Variants in FRMD5 observed in about 807,000 individuals in gnomAD.
The protein encoded by FRMD5 is FERM domain-containing protein 5.
In FRMD5, 20 loss-of-function variants were observed where a neutral mutation model predicts 69.0. The observed-to-expected ratio is 0.29, with a 90% CI of 0.20 to 0.42. The LOEUF is 0.42. Ranked by LOEUF, FRMD5 falls within the 10% of genes least tolerant of loss-of-function variation. FRMD5 has a pLI of 1.00. For synonymous variants in FRMD5, 271 were observed against 260.1 expected, an observed-to-expected ratio of 1.04 and a Z score of -0.40; for missense variants, 595 against 708.6, an observed-to-expected ratio of 0.84 and a Z score of 1.82.
chr15:44,130,718 G>C (rs2077086863), intron 1 of FRMD5, among the ~76,000 whole-genome samples: 1 of 152,076 alleles, frequency 6.6e-6, no homozygotes, highest in Non-Finnish European at 1.5e-5. Flanking sequence ...AAAAGTAAGA[G>C]GGAGAAAGCA....
At chr15:43,989,640 C>CA (rs1733736432) in intron 1 of FRMD5, 2 of 880,578 alleles carry the variant, frequency 2.3e-6, no homozygotes, top group Non-Finnish European at 3.9e-6. Flanking sequence ...AGGTCCTGAC[C>CA]AGCCAGGCAC....
At chr15:44,087,737 T>TATCATCATC (rs61525802) in intron 1 of FRMD5, among the ~76,000 whole-genome samples, 73 of 148,294 alleles carry the variant, frequency 4.9e-4, no homozygotes, top group Non-Finnish European at 8.1e-4. Context: ...TATCAGCTGC[T>TATCATCATC]ATCATCATCA....
intron 1 of FRMD5, among the ~76,000 whole-genome samples, chr15:43,925,075 G>C (rs184447628): frequency 6.7e-6 from 1 of 149,964 alleles, no homozygotes; most frequent in Non-Finnish European, 1.5e-5. Flanking sequence ...CGCAGTCTTG[G>C]CTCACTGCAA....
At chr15:44,046,229 T>C (rs1425176880) in intron 1 of FRMD5, among the ~76,000 whole-genome samples, 1 of 152,132 alleles carries the variant, frequency 6.6e-6, no homozygotes, top group Non-Finnish European at 1.5e-5. Flanking sequence ...TGTGAACATT[T>C]TAAATTTAAC....
chr15:43,959,978 T>C (rs1163971942), intron 1 of FRMD5, among the ~76,000 whole-genome samples: 2 of 152,066 alleles, frequency 1.3e-5, no homozygotes, highest in Non-Finnish European at 2.9e-5. Context: ...AGTGCAATGG[T>C]GCGATCTCGG....
chr15:43,976,917 G>A (rs1443765633), intron 1 of FRMD5, among the ~76,000 whole-genome samples: 2 of 151,636 alleles, frequency 1.3e-5, no homozygotes, highest in Non-Finnish European at 2.9e-5. Flanking sequence ...TGCAATCTCC[G>A]CCTCCTGGGT....
At chr15:44,084,536 T>C (rs1044756939) in intron 1 of FRMD5, among the ~76,000 whole-genome samples, 36 of 152,100 alleles carry the variant, frequency 2.4e-4, no homozygotes, top group Non-Finnish European at 5.0e-4. Flanking sequence ...TATAAATCTA[T>C]CTCCTTGCAA....
chr15:43,944,561 C>T (rs2089913192), intron 1 of FRMD5, among the ~76,000 whole-genome samples: 1 of 151,636 alleles, frequency 6.6e-6, no homozygotes, highest in East Asian at 1.9e-4. Flanking sequence ...TCCTGAGTAG[C>T]TGAGATTACA....
chr15:44,155,355 C>T (rs1459342968), intron 1 of FRMD5, among the ~76,000 whole-genome samples: 1 of 151,710 alleles, frequency 6.6e-6, no homozygotes, highest in Non-Finnish European at 1.5e-5. Context: ...TTGCTTGAAC[C>T]CAGGAGGCAG....
chr15:43,939,792 C>T (rs1020763016), intron 1 of FRMD5, among the ~76,000 whole-genome samples: 9 of 152,030 alleles, frequency 5.9e-5, no homozygotes, highest in South Asian at 2.1e-4. Flanking sequence ...AACTCCTGGG[C>T]GCAAGTGATC....
At chr15:43,990,121 C>T in intron 1 of FRMD5, 3 of 635,512 alleles carry the variant, frequency 4.7e-6, no homozygotes, top group South Asian at 1.5e-5. Context: ...TCGTCACCTG[C>T]AAAGCTGGCC....
chr15:43,917,361 G>T (rs964076981), intron 4 of FRMD5, among the ~76,000 whole-genome samples: 1 of 152,018 alleles, frequency 6.6e-6, no homozygotes, highest in Non-Finnish European at 1.5e-5. Context: ...TCATGAGTGG[G>T]GCAGGCTAGT....
chr15:44,015,873 T>C (rs567461403), intron 1 of FRMD5, among the ~76,000 whole-genome samples: 1 of 152,246 alleles, frequency 6.6e-6, no homozygotes, highest in Non-Finnish European at 1.5e-5. Flanking sequence ...TGCAGAATTA[T>C]TATTTTAAGT....
chr15:44,093,970 G>A (rs907704059), intron 1 of FRMD5, among the ~76,000 whole-genome samples: 1 of 152,000 alleles, frequency 6.6e-6, no homozygotes, highest in Non-Finnish European at 1.5e-5. Flanking sequence ...TTTTTGGGGT[G>A]AATGAATCAG....
Position 44,071,394 on chromosome 15 carries a change from T to C in FRMD5, c.102+123559A>G, listed in dbSNP as rs138280457. Among the ~76,000 whole-genome samples the C allele has an allele frequency of 6.6e-3, 997 of 152,172 alleles. 18 individuals are homozygous for C. Among genetic ancestry groups the C allele is most frequent in the African/African-American group, 0.023 (956 of 41,506 alleles). On this transcript the variant is annotated intron_variant, in intron 1 of 13. Coordinates refer to ENST00000417257, the MANE Select transcript of FRMD5 (RefSeq NM_032892.5). ...GTGAGCCATGATGGTGCCACTGCAC[T>C]CCAGCCTGGGTGACAAAGCAAGACC...
intron 10 of FRMD5, among the ~76,000 whole-genome samples, chr15:43,887,773 C>T (rs968878965): frequency 3.9e-5 from 6 of 152,200 alleles, no homozygotes; most frequent in African/African-American, 1.4e-4. Flanking sequence ...GGGCTCACCC[C>T]AGGTAGAATA....
chr15:44,141,048 T>C (rs969984619), intron 1 of FRMD5, among the ~76,000 whole-genome samples: 1 of 151,876 alleles, frequency 6.6e-6, no homozygotes, highest in Non-Finnish European at 1.5e-5. Flanking sequence ...CCAATTACAA[T>C]AGCAATAAAC....
intron 1 of FRMD5, among the ~76,000 whole-genome samples, chr15:43,959,840 G>A (rs1310818812): frequency 6.6e-6 from 1 of 152,014 alleles, no homozygotes; most frequent in Non-Finnish European, 1.5e-5. Flanking sequence ...CCTTTTAACG[G>A]GCCTATTGCT....
At chr15:44,160,089 C>T (rs183635181) in intron 1 of FRMD5, among the ~76,000 whole-genome samples, 1 of 152,354 alleles carries the variant, frequency 6.6e-6, no homozygotes, top group Admixed American at 6.5e-5. Flanking sequence ...CACAGTGGCT[C>T]ACGCCCATAA....
Sources: allele counts gnomAD v4.1 joint callset (sites outside exome capture counted in the v4.1 genomes callset), GRCh38; gene constraint gnomAD v4.1.1; transcripts MANE v1.5; gene names NCBI Gene and HGNC (gene_info 2026-07-23, HGNC 2026-07-21).